The following RBFOX1 variants were observed in gnomAD, a reference collection of about 807,000 sequenced individuals.
RBFOX1 encodes the protein RNA binding protein fox-1 homolog 1.
A neutral mutation model predicts 57.7 loss-of-function variants in RBFOX1; 8 were observed. That is an observed-to-expected ratio of 0.14 (90% CI 0.08 to 0.25). The LOEUF is 0.25. Ranked by LOEUF, RBFOX1 falls within the 10% of genes least tolerant of loss-of-function variation. The pLI, the probability that RBFOX1 is intolerant of heterozygous loss-of-function variation, is 1.00. For missense variants in RBFOX1, 611 were observed against 548.5 expected, an observed-to-expected ratio of 1.11 and a Z score of -1.14; for synonymous variants, 326 against 222.4, an observed-to-expected ratio of 1.47 and a Z score of -4.15.
chr16:5,257,750 C>T (rs570027756), intron 1 of RBFOX1, among the ~76,000 whole-genome samples: 1 of 152,314 alleles, frequency 6.6e-6, no homozygotes, highest in Non-Finnish European at 1.5e-5. Context: ...CCCACGCTTC[C>T]CTCCCTGCCC....
intron 3 of RBFOX1, among the ~76,000 whole-genome samples, chr16:6,970,174 G>C (rs914716008): frequency 2.0e-5 from 3 of 151,394 alleles, no homozygotes; most frequent in Non-Finnish European, 4.4e-5. Context: ...CAAGACTCTG[G>C]GGGGAAAAAA....
At chr16:6,083,079 G>T (rs142758467) in intron 1 of RBFOX1, among the ~76,000 whole-genome samples, 91 of 152,084 alleles carry the variant, frequency 6.0e-4, no homozygotes, top group African/African-American at 2.1e-3. Context: ...TCGGCTCACT[G>T]CAACCTCCTC....
chr16:7,300,522 C>A (rs936152192), intron 4 of RBFOX1, among the ~76,000 whole-genome samples: 22 of 152,200 alleles, frequency 1.4e-4, no homozygotes, highest in African/African-American at 5.1e-4. Context: ...ACTGAGCTAA[C>A]CCCAGTATAG....
chr16:6,034,579 G>T (rs552690965), intron 1 of RBFOX1, among the ~76,000 whole-genome samples: 1 of 152,146 alleles, frequency 6.6e-6, no homozygotes, highest in South Asian at 2.1e-4. Context: ...TCCCATCTAA[G>T]CATGAAGGCA....
intron 4 of RBFOX1, among the ~76,000 whole-genome samples, chr16:7,143,644 C>T (rs1311278915): frequency 6.6e-6 from 1 of 152,096 alleles, no homozygotes; most frequent in Non-Finnish European, 1.5e-5. Flanking sequence ...GTGAGTGAGT[C>T]TCTGAAACCT....
At chr16:6,364,225 A>G (rs1447212875) in intron 2 of RBFOX1, among the ~76,000 whole-genome samples, 1 of 152,208 alleles carries the variant, frequency 6.6e-6, no homozygotes, top group East Asian at 1.9e-4. Flanking sequence ...GCAGAATTCA[A>G]AAGTGCTTTC....
chr16:7,179,523 C>T (rs1008160525), intron 4 of RBFOX1, among the ~76,000 whole-genome samples: 1 of 152,104 alleles, frequency 6.6e-6, no homozygotes, highest in East Asian at 1.9e-4. Flanking sequence ...ATTATGTTTG[C>T]TGTTAGACCT....
chr16:6,359,569 A>G (rs928926460), intron 2 of RBFOX1, among the ~76,000 whole-genome samples: 2 of 152,184 alleles, frequency 1.3e-5, no homozygotes, highest in African/African-American at 4.8e-5. Context: ...TGTGTTAACT[A>G]TTGCTTTGCC....
chr16:7,368,209 A>G (rs1019116900), intron 4 of RBFOX1, among the ~76,000 whole-genome samples: 24 of 150,414 alleles, frequency 1.6e-4, no homozygotes, highest in Non-Finnish European at 2.5e-4. Context: ...GGAGGTTGCA[A>G]TAAGCCAAGA....
chr16:5,392,029 G>T (rs912737627), intron 1 of RBFOX1, among the ~76,000 whole-genome samples: 1 of 151,962 alleles, frequency 6.6e-6, no homozygotes, highest in African/African-American at 2.4e-5. Flanking sequence ...AGTAACTCAG[G>T]GTTGGAAAAC....
chr16:7,024,899 C>T (rs1235986136), intron 3 of RBFOX1, among the ~76,000 whole-genome samples: 1 of 152,116 alleles, frequency 6.6e-6, no homozygotes, highest in Non-Finnish European at 1.5e-5. Context: ...AAGTCACCTG[C>T]TGCACTCCTC....
intron 3 of RBFOX1, among the ~76,000 whole-genome samples, chr16:6,753,131 A>G (rs2095028755): frequency 6.6e-6 from 1 of 152,164 alleles, no homozygotes; most frequent in South Asian, 2.1e-4. Flanking sequence ...TGAAACTTGT[A>G]GGGGGTATTT....
intron 1 of RBFOX1, among the ~76,000 whole-genome samples, chr16:5,356,410 C>T (rs528813738): frequency 2.0e-5 from 3 of 152,322 alleles, no homozygotes; most frequent in East Asian, 3.9e-4. Flanking sequence ...AAACTTTCTT[C>T]GTGACTCAAT....
At chr16:7,209,936 G>T (rs1212502013) in intron 4 of RBFOX1, among the ~76,000 whole-genome samples, 1 of 152,164 alleles carries the variant, frequency 6.6e-6, no homozygotes, top group African/African-American at 2.4e-5. Context: ...GTTGATGGTA[G>T]GCAGGCAAAA....
intron 3 of RBFOX1, among the ~76,000 whole-genome samples, chr16:6,774,586 C>G (rs1010075165): frequency 3.9e-5 from 6 of 152,084 alleles, no homozygotes; most frequent in African/African-American, 7.2e-5. Flanking sequence ...TTGTTACAAA[C>G]AATCTACATG....
chr16:5,583,044 A>C (rs1018560345), intron 2 of RBFOX1, among the ~76,000 whole-genome samples: 5 of 152,214 alleles, frequency 3.3e-5, no homozygotes, highest in African/African-American at 1.2e-4. Context: ...AGGCACAGAA[A>C]GGTAACATGC....
chr16:6,260,742 G>A (rs912328938), intron 1 of RBFOX1, among the ~76,000 whole-genome samples: 3 of 151,986 alleles, frequency 2.0e-5, no homozygotes, highest in Non-Finnish European at 2.9e-5. Context: ...TGAGCCAGGC[G>A]TGGTTGTGCA....
At chr16:6,988,079 G>C (rs2090684644) in intron 3 of RBFOX1, among the ~76,000 whole-genome samples, 1 of 152,070 alleles carries the variant, frequency 6.6e-6, no homozygotes, top group Admixed American at 6.6e-5. Flanking sequence ...CCAGTAAATG[G>C]TAAAACCAAG....
chr16:5,306,004 C>T (rs1388348033), intron 1 of RBFOX1, among the ~76,000 whole-genome samples: 2 of 152,120 alleles, frequency 1.3e-5, no homozygotes, highest in African/African-American at 4.8e-5. Context: ...CCAACATGGG[C>T]AATGTAGCAA....
Sources: allele counts gnomAD v4.1 joint callset (sites outside exome capture counted in the v4.1 genomes callset), GRCh38; gene constraint gnomAD v4.1.1; transcripts MANE v1.5; gene names NCBI Gene and HGNC (gene_info 2026-07-23, HGNC 2026-07-21).